Variants in CIC observed in about 807,000 individuals in gnomAD.
The protein encoded by CIC is protein capicua homolog.
Under a neutral mutation model 115.7 loss-of-function variants are expected in CIC, and 18 were observed. The observed-to-expected ratio is 0.16, with a 90% CI of 0.11 to 0.23. The LOEUF (loss-of-function observed/expected upper bound fraction) is 0.23, where lower values mean the gene tolerates loss of function less well. Ranked by LOEUF, CIC falls within the 10% of genes least tolerant of loss-of-function variation. The pLI, the probability that CIC is intolerant of heterozygous loss-of-function variation, is 1.00. For synonymous variants in CIC, 1,076 were observed against 923.0 expected, an observed-to-expected ratio of 1.17 and a Z score of -3.01; for missense variants, 2,000 against 2,159.3, an observed-to-expected ratio of 0.93 and a Z score of 1.46.
chr19:42,295,062 T>C lies in CIC; in HGVS notation c.7425T>C (p.Ser2475=). 6.6e-7 allele frequency: 1 copy of C among 1,526,676 alleles called. No individual in the cohort carries two copies. Among genetic ancestry groups the C allele is most frequent in the Non-Finnish European group, 8.8e-7 (1 of 1,142,030 alleles). The allele number at this position is 1,526,676 out of a possible 1,614,324, so 94.6% of individuals were successfully genotyped here. A position where few individuals can be genotyped will look rare whatever the true frequency, so the allele number is the denominator to read the frequency against. ...ACCCCACCTCACCCAGCTCGGACTC[T>C]GGCACGGCCCAGGCTGCCCCGCCAC... ...GPDPTSPSSD[S]GTAQAAPPLP... Residue 2475 remains serine, a synonymous_variant, in exon 21 of 21, where the codon TCT becomes TCC. Transcript: ENST00000681038.
intron 2 of CIC, among the ~76,000 whole-genome samples, chr19:42,281,187 C>T (rs1311941342): frequency 6.6e-6 from 1 of 152,002 alleles, no homozygotes; most frequent in Non-Finnish European, 1.5e-5. Flanking sequence ...CTGGGGACAC[C>T]GGGGTGGTGA....
rs200266764 is a variant in CIC, at chr19:42,290,865, G to A, written c.4824G>A (p.Ala1608=). The A allele has an allele frequency of 1.2e-5, 19 of 1,612,458 alleles. No homozygotes were observed. Among genetic ancestry groups the A allele is most frequent in the South Asian group, 6.6e-5 (6 of 90,964 alleles). The part of the protein sequence containing the change: ...KPFPTSGRAE[A]SPNDTAGART... ...TCCCCACCTCTGGCCGGGCTGAGGC[G>A]TCTCCAAATGACACAGCAGGTGCCA... is the stretch of plus-strand genomic sequence containing the variant. Residue 1608 remains alanine (A), a synonymous_variant, in exon 11 of 21, where the codon GCG becomes GCA. Coordinates refer to ENST00000681038, the MANE Select transcript of CIC (RefSeq NM_001386298.1).
Position 42,271,973 on chromosome 19 carries a change from G to A in CIC, c.190G>A (p.Glu64Lys), listed in dbSNP as rs1484570775. The change falls in exon 2 of 21, where the codon GAG (glutamate) becomes AAG (lysine). Residue 64 changes from glutamate to lysine, a missense_variant. Physicochemically the swap from Glu to Lys is moderately conservative, Grantham distance 56. Transcript: ENST00000681038. ...SGPEEAEEGE[E>K]EEAERGPGAE... ...GCCCGAAGAGGCTGAGGAAGGGGAG[G>A]AGGAGGAGGCTGAGCGGGGCCCTGG... is the stretch of plus-strand genomic sequence containing the variant. The A allele has an allele frequency of 2.5e-6, 1 of 399,482 alleles. No individual in the cohort carries two copies. Among genetic ancestry groups the A allele is most frequent in the Non-Finnish European group, 4.4e-6 (1 of 226,580 alleles). 24.7% of individuals were successfully genotyped at this position (399,482 alleles called of 1,614,324 possible). A position where few individuals can be genotyped will look rare whatever the true frequency, so the allele number is the denominator to read the frequency against.
intron 1 of CIC, among the ~76,000 whole-genome samples, chr19:42,271,047 C>T (rs2036767525): frequency 6.6e-6 from 1 of 150,582 alleles, no homozygotes; most frequent in African/African-American, 2.5e-5. Context: ...CAGTGCCTGG[C>T]CATGCCAGGC....
chr19:42,295,143 G>GGGGCGGC lies in CIC; in HGVS notation c.7506_7507insGGGCGGC (p.Pro2503GlyfsTer22). 7.2e-7 allele frequency: 1 copy of GGGGCGGC among 1,382,734 alleles called. No individual in the cohort carries two copies. Among genetic ancestry groups the GGGGCGGC allele is most frequent in the Non-Finnish European group, 9.6e-7 (1 of 1,037,822 alleles). The allele number at this position is 1,382,734 out of a possible 1,614,324, so 85.7% of individuals were successfully genotyped here. A position where few individuals can be genotyped will look rare whatever the true frequency, so the allele number is the denominator to read the frequency against. On this transcript the variant is annotated frameshift_variant, in exon 21 of 21. Transcript: ENST00000681038. LOFTEE classifies it high-confidence loss of function. Reference sequence around the variant, plus strand: ...AGCCTGGCTGGGAGGGGGCTCCCCAGCCCTCCCCCCCACCCCCAGGTCCCT... The same window carrying GGGGCGGC: ...AGCCTGGCTGGGAGGGGGCTCCCCAGGGGCGGCCCCTCCCCCCCACCCCCAGGTCCCT...
At chr19:42,293,535 C>T in intron 16 of CIC, 57 bp from the exon 17 acceptor site, 1 of 1,612,022 alleles carries the variant, frequency 6.2e-7, no homozygotes, top group Non-Finnish European at 8.5e-7. Context: ...TGTTTCTGGC[C>T]TTTGCCCCAG....
In CIC at chr19:42,286,919, AGGTGAGGGCT is replaced by A. The variant is rs1485934707; in HGVS notation, c.2944+4_2944+13del. On this transcript the variant is annotated splice_donor_variant and splice_donor_5th_base_variant and coding_sequence_variant and intron_variant, in exon 3 of 21. Transcript: ENST00000681038. LOFTEE classifies it high-confidence loss of function. ...ACCCAGTGGCCTCCAACCAGAGCAAAGGTGAGGGCTGGTGGGGACTGGGGGGAGGCAAGGG... is the reference window on the plus strand; with the variant it reads ...ACCCAGTGGCCTCCAACCAGAGCAAAGGTGGGGACTGGGGGGAGGCAAGGG... 6.2e-7 allele frequency: 1 copy of A among 1,610,658 alleles called. No homozygotes were observed. Among genetic ancestry groups the A allele is most frequent in the Admixed American group, 1.7e-5 (1 of 59,982 alleles).
intron 1 of CIC, among the ~76,000 whole-genome samples, chr19:42,271,140 A>T (rs934386439): frequency 2.6e-5 from 4 of 152,054 alleles, no homozygotes; most frequent in African/African-American, 9.7e-5. Context: ...GTGACTTGGT[A>T]CTTGTGCATG....
chr19:42,282,064 C>T (rs1445588847), intron 2 of CIC, among the ~76,000 whole-genome samples: 1 of 152,154 alleles, frequency 6.6e-6, no homozygotes, highest in Non-Finnish European at 1.5e-5. Context: ...ACATTGATTT[C>T]AGCCTCAATT....
chr19:42,295,142 A>AGGGGC lies in CIC; in HGVS notation c.7506_7507insGGGCG (p.Pro2503GlyfsTer28). 5.4e-6 allele frequency: 3 copies of AGGGGC among 558,792 alleles called. No individual in the cohort carries two copies. The highest frequency in any genetic ancestry group is 8.6e-6 in the Non-Finnish European group (3 of 350,624). The allele number at this position is 558,792 out of a possible 1,614,324, so 34.6% of individuals were successfully genotyped here. ...CAGCCTGGCTGGGAGGGGGCTCCCCAGCCCTCCCCCCCACCCCCAGGTCCC... is the reference window on the plus strand; with the variant it reads ...CAGCCTGGCTGGGAGGGGGCTCCCCAGGGGCGCCCTCCCCCCCACCCCCAGGTCCC... On this transcript the variant is annotated frameshift_variant, in exon 21 of 21. Coordinates refer to ENST00000681038, the MANE Select transcript of CIC (RefSeq NM_001386298.1). LOFTEE classifies it high-confidence loss of function.
In CIC at chr19:42,295,228, C is replaced by T; in HGVS notation, c.*37C>T. 2 of 1,527,218 alleles carry T rather than the reference C, an allele frequency of 1.3e-6. No homozygotes were observed. The highest frequency in any genetic ancestry group is 1.8e-6 in the Non-Finnish European group (2 of 1,139,680). The allele number at this position is 1,527,218 out of a possible 1,614,324, so 94.6% of individuals were successfully genotyped here. On this transcript the variant is annotated 3_prime_UTR_variant, in exon 21 of 21. Transcript: ENST00000681038. ...GAAGATGCCAGGACTTATAGTACCC[C>T]CTCAGGACATGGACAGTATGTGGGG...
rs1472447044 is a variant in CIC, at chr19:42,295,106, CG to C, written c.7473del (p.Pro2492LeufsTer37). The C allele has an allele frequency of 1.3e-6, 2 of 1,524,758 alleles. No homozygotes were observed. Among genetic ancestry groups the C allele is most frequent in the Non-Finnish European group, 1.8e-6 (2 of 1,141,620 alleles). 94.5% of individuals were successfully genotyped at this position (1,524,758 alleles called of 1,614,324 possible). On this transcript the variant is annotated frameshift_variant, in exon 21 of 21. Transcript: ENST00000681038. LOFTEE classifies it high-confidence loss of function. ...CCGCCACTGCCTCCACCCCCAGAGT[CG>C]GGGCCTGGACAGCCTGGCTGGGAGG... is the stretch of plus-strand genomic sequence containing the variant. ...AAPPLPPPPE[S>X]GPGQPGWEGA... is the part of the protein sequence containing the mutation.
At chr19:42,284,790 C>T (rs978709230) in intron 2 of CIC, 2 of 1,546,176 alleles carry the variant, frequency 1.3e-6, no homozygotes. Context: ...CGCCTGGGCC[C>T]TGGGACTGCA....
chr19:42,295,765 C>T lies in CIC; in HGVS notation c.*574C>T, dbSNP rs971280913. On this transcript the variant is annotated 3_prime_UTR_variant, in exon 21 of 21. Coordinates refer to ENST00000681038, the MANE Select transcript of CIC (RefSeq NM_001386298.1). ...AATATTTCTTACTGTGCCGAGAAGC[C>T]GCAATGAGCGAGATTAAAGCTGTTT... The T allele has an allele frequency of 5.2e-5, 11 of 213,526 alleles. No individual in the cohort carries two copies. Among genetic ancestry groups the T allele is most frequent in the African/African-American group, 1.4e-4 (6 of 44,108 alleles). The allele number at this position is 213,526 out of a possible 1,614,324, so 13.2% of individuals were successfully genotyped here.
rs2037175921 is a variant in CIC, at chr19:42,280,405, A to G, written c.2794+5828A>G. Among the ~76,000 whole-genome samples the G allele has an allele frequency of 6.6e-6, 1 of 152,088 alleles. No individual in the cohort carries two copies. Among genetic ancestry groups the G allele is most frequent in the Admixed American group, 6.5e-5 (1 of 15,288 alleles). On this transcript the variant is annotated intron_variant, in intron 2 of 20. Coordinates refer to ENST00000681038, the MANE Select transcript of CIC (RefSeq NM_001386298.1). The surrounding 1 kb of genome is among the most constrained non-coding windows in gnomAD (Gnocchi z 4.9). Reference sequence around the variant, plus strand: ...CTGGCACCCAGCGAGGGCCGCGCCCAGCCCCCGCTGGCACCTAGGGGTGTG... The same window carrying G: ...CTGGCACCCAGCGAGGGCCGCGCCCGGCCCCCGCTGGCACCTAGGGGTGTG...
intron 2 of CIC, among the ~76,000 whole-genome samples, chr19:42,285,557 C>G (rs1172356482): frequency 1.3e-5 from 2 of 152,346 alleles, no homozygotes; most frequent in Admixed American, 6.5e-5. Context: ...GTGCCTCGCA[C>G]AGAGCTCCCC....
At chr19:42,293,360 C>T in intron 16 of CIC, 79 bp downstream of exon 16, 1 of 1,446,646 alleles carries the variant, frequency 6.9e-7, no homozygotes, top group Admixed American at 2.0e-5. Flanking sequence ...TTCTGTCCTA[C>T]TCTTCTTTCC....
chr19:42,289,088 C>A lies in CIC; in HGVS notation c.3859C>A (p.Gln1287Lys), dbSNP rs2147229439. 6.2e-7 allele frequency: 1 copy of A among 1,613,566 alleles called. No individual in the cohort carries two copies. ...VDSQALQELT[Q>K]MVSGPASYSG... ...CAGTCAGGCGCTACAGGAACTGACG[C>A]AGGTCTAGGGTGCAGGCCCCCTAGT... is the stretch of plus-strand genomic sequence containing the variant. Residue 1287 changes from glutamine to lysine, a missense_variant and splice_region_variant, in exon 8 of 21, where the codon CAG becomes AAG. Around this residue, in one of 8 missense-constraint regions of CIC, gnomAD observed 1,466 missense variants for 1,390.4 expected, o/e 1.05. Transcript: ENST00000681038.
rs1284066882 is a variant in CIC at position 42,292,438 on chromosome 19, C to T, written c.5874C>T (p.Gly1958=). The T allele has an allele frequency of 1.9e-6, 3 of 1,611,036 alleles. No homozygotes were observed. The highest frequency in any genetic ancestry group is 2.5e-6 in the Non-Finnish European group (3 of 1,178,728). Residue 1958 remains glycine (G), a synonymous_variant, in exon 14 of 21, where the codon GGC becomes GGT. Coordinates refer to ENST00000681038, the MANE Select transcript of CIC (RefSeq NM_001386298.1). The stretch of plus-strand genomic sequence containing the variant: ...GCTTCACCTCGCTGGGGCCCAGCGG[C>T]CCCGCCTTCGTGCAGCCCCTGCTCT... ...ALGFTSLGPS[G]PAFVQPLLSA... is the part of the protein sequence containing the mutation.
Sources: gnomAD v4.1 joint callset for allele counts (sites outside exome capture counted in the v4.1 genomes callset) on GRCh38, gnomAD v4.1.1 for gene constraint, gnomAD v4.1.1 regional missense constraint, Gnocchi (gnomAD v3.1) non-coding constraint, MANE v1.5 for transcripts, NCBI Gene and HGNC (gene_info 2026-07-23, HGNC 2026-07-21) for gene names.